Variants in SYBU observed in about 807,000 individuals in gnomAD.
SYBU encodes the protein syntabulin.
Under a neutral mutation model 35.9 loss-of-function variants are expected in SYBU, and 21 were observed. That is an observed-to-expected ratio of 0.58 (90% CI 0.41 to 0.84). The LOEUF (loss-of-function observed/expected upper bound fraction) is 0.84, where lower values mean the gene tolerates loss of function less well. Ranked by LOEUF, SYBU falls within the 40% of genes least tolerant of loss-of-function variation. The probability of loss-of-function intolerance (pLI) is 0.00; values close to 1 mark genes in which losing one functional copy is unlikely to be tolerated. For missense variants in SYBU, 768 were observed against 848.2 expected (o/e 0.91, Z 1.17); for synonymous variants, 319 against 324.3 (o/e 0.98, Z 0.18).
intron 1 of SYBU, among the ~76,000 whole-genome samples, chr8:109,673,449 G>A (rs868021773): frequency 6.6e-6 from 1 of 152,160 alleles, no homozygotes; most frequent in Non-Finnish European, 1.5e-5. Context: ...GGGCCTGACT[G>A]TTAGAAGGAA....
chr8:109,616,291 T>A (rs1811783613), intron 3 of SYBU, among the ~76,000 whole-genome samples: 1 of 152,054 alleles, frequency 6.6e-6, no homozygotes, highest in African/African-American at 2.4e-5. Flanking sequence ...ATTACAGGCA[T>A]GAGCCACCAC....
intron 2 of SYBU, 152 bp from the exon 3 acceptor site, chr8:109,619,191 A>C (rs2130367356): frequency 1.6e-6 from 1 of 615,534 alleles, no homozygotes; most frequent in Non-Finnish European, 2.8e-6. Flanking sequence ...CTCTCCTCTC[A>C]TGACGCTCCT....
At chr8:109,603,566 C>T (rs1042061446) in intron 3 of SYBU, 11 of 179,194 alleles carry the variant, frequency 6.1e-5, no homozygotes, top group Non-Finnish European at 9.7e-5. Flanking sequence ...CTTTCTCCAC[C>T]CCTTCCCTCT....
intron 1 of SYBU, among the ~76,000 whole-genome samples, chr8:109,690,984 G>C (rs80291048): frequency 0.011 from 1,714 of 152,248 alleles, 11 homozygotes; most frequent in Middle Eastern, 0.051. Flanking sequence ...ACCCACTCCT[G>C]AGAACAACCA....
rs929176717 is a variant in SYBU at position 109,609,941 on chromosome 8, G to A, written c.427+8901C>T. Among the ~76,000 whole-genome samples the A allele has an allele frequency of 2.0e-5, 3 of 152,044 alleles. No homozygotes were observed. The East Asian group carries it at 5.8e-4, about 29-fold the overall frequency. Reference sequence around the variant, plus strand: ...CTCATGATAATCCAAGCTCTACAGAGTCGTCAGAGGGATCCCAAACATGTA... The same window carrying A: ...CTCATGATAATCCAAGCTCTACAGAATCGTCAGAGGGATCCCAAACATGTA... On this transcript the variant is annotated intron_variant, in intron 3 of 6. Transcript: ENST00000276646.
At chr8:109,576,668 G>A (rs893940300) in intron 6 of SYBU, among the ~76,000 whole-genome samples, 2 of 152,096 alleles carry the variant, frequency 1.3e-5, no homozygotes, top group African/African-American at 2.4e-5. Context: ...CTCCTCTCAG[G>A]TAGGATAATA....
intron 2 of SYBU, among the ~76,000 whole-genome samples, chr8:109,639,216 C>T (rs1814579684): frequency 6.6e-6 from 1 of 152,094 alleles, no homozygotes. Context: ...GTATAGCTAC[C>T]ATCCACTATC....
chr8:109,643,317 T>C (rs1241689689), intron 1 of SYBU: 1 of 337,430 alleles, frequency 3.0e-6, no homozygotes, highest in Non-Finnish European at 4.2e-6. Context: ...GCTTACTTGA[T>C]AGCCTTCAGA....
At chr8:109,655,103 T>C (rs1023682949) in intron 1 of SYBU, among the ~76,000 whole-genome samples, 1 of 152,234 alleles carries the variant, frequency 6.6e-6, no homozygotes, top group African/African-American at 2.4e-5. Context: ...CACTAATGCA[T>C]AGCTTACAAG....
At position 109,618,940 on chromosome 8, in the gene SYBU, C is replaced by G. The variant is rs200806222; in HGVS notation, c.329G>C (p.Gly110Ala). The change falls in exon 3 of 7, where the codon GGC becomes GCC. Residue 110 changes from glycine to alanine, a missense_variant. Coordinates refer to ENST00000276646, the MANE Select transcript of SYBU (RefSeq NM_001099754.2). ...PIGFCPGSDE[G>A]FTRKKCTIGM... Reference sequence around the variant, plus strand: ...AATCGTGCATTTCTTTCTGGTGAAGCCTTCATCACTTCCAGGGCAAAAGCC... The same window carrying G: ...AATCGTGCATTTCTTTCTGGTGAAGGCTTCATCACTTCCAGGGCAAAAGCC... 42 of 1,614,124 alleles carry G rather than the reference C, an allele frequency of 2.6e-5. No homozygotes were observed. The African/African-American group carries it at 4.0e-4, about 15-fold the overall frequency.
At chr8:109,645,404 A>G (rs1007426114), upstream of SYBU, 21 of 446,200 alleles carry the variant, frequency 4.7e-5, no homozygotes, top group African/African-American at 4.2e-4. Flanking sequence ...TTCAGTGGTC[A>G]GCGCAGCTCC....
At chr8:109,651,622 A>G (rs897720946) in intron 1 of SYBU, among the ~76,000 whole-genome samples, 10 of 152,192 alleles carry the variant, frequency 6.6e-5, no homozygotes, top group African/African-American at 2.4e-4. Flanking sequence ...TCATTTTCAC[A>G]TCTAGAAAAT....
chr8:109,620,533 C>T (rs1241756676), intron 2 of SYBU, among the ~76,000 whole-genome samples: 1 of 152,178 alleles, frequency 6.6e-6, no homozygotes, highest in Non-Finnish European at 1.5e-5. Flanking sequence ...ATTCCTGGAA[C>T]AGAGTGAACT....
At chr8:109,673,675 G>A (rs1275289144) in intron 1 of SYBU, among the ~76,000 whole-genome samples, 1 of 152,124 alleles carries the variant, frequency 6.6e-6, no homozygotes, top group South Asian at 2.1e-4. Context: ...ACCGAACAGG[G>A]AATATATTTG....
At chr8:109,654,121 T>G (rs1377638799) in intron 1 of SYBU, among the ~76,000 whole-genome samples, 1 of 152,170 alleles carries the variant, frequency 6.6e-6, no homozygotes, top group Non-Finnish European at 1.5e-5. Flanking sequence ...GCCAAAAACT[T>G]TTCCAGTGAA....
intron 3 of SYBU, 162 bp downstream of exon 3, chr8:109,618,680 G>T: frequency 1.5e-6 from 1 of 667,934 alleles, no homozygotes; most frequent in Non-Finnish European, 2.6e-6. Context: ...AACCATTTCA[G>T]AAAATAGTCC....
At position 109,619,001 on chromosome 8, in the gene SYBU, C is replaced by T. The variant is rs756332991; in HGVS notation, c.268G>A (p.Val90Met). 83 of 1,613,984 alleles carry T rather than the reference C, an allele frequency of 5.1e-5. No individual in the cohort carries two copies. The highest frequency in any genetic ancestry group is 6.7e-5 in the African/African-American group (5 of 74,928). ...GCPSSQSVSP[V>M]KTPSDAGNSP... The stretch of plus-strand genomic sequence containing the variant: ...TTTCCAGCATCTGAGGGTGTCTTCA[C>T]AGGAGACACTGACTGGCTGCTAGGA... Residue 90 changes from valine (V) to methionine (M), a missense_variant, in exon 3 of 7, where the codon GTG (valine) becomes ATG (methionine). Physicochemically the swap from Val to Met is conservative, Grantham distance 21. Coordinates refer to ENST00000276646, the MANE Select transcript of SYBU (RefSeq NM_001099754.2).
intron 1 of SYBU, among the ~76,000 whole-genome samples, chr8:109,663,629 T>C (rs1816653279): frequency 1.3e-5 from 2 of 152,144 alleles, no homozygotes; most frequent in South Asian, 2.1e-4. Context: ...TTTCTGGTGG[T>C]ACTTTATTAT....
chr8:109,617,030 G>A (rs1811877781), intron 3 of SYBU, among the ~76,000 whole-genome samples: 1 of 152,176 alleles, frequency 6.6e-6, no homozygotes. Context: ...CAGCTACTTG[G>A]GAGGGTGAGG....
Sources: allele counts gnomAD v4.1 joint callset (sites outside exome capture counted in the v4.1 genomes callset), GRCh38; gene constraint gnomAD v4.1.1; transcripts MANE v1.5; gene names NCBI Gene and HGNC (gene_info 2026-07-23, HGNC 2026-07-21).